Variants in LRP12 observed in about 807,000 individuals in gnomAD.
LRP12 encodes the protein LDL receptor related protein 12.
LRP12 carries 14 observed loss-of-function variants against 66.0 expected under a neutral mutation model. The ratio of observed to expected loss-of-function variants is 0.21; its 90% CI spans 0.14 to 0.33. The LOEUF (loss-of-function observed/expected upper bound fraction) is 0.33. Ranked by LOEUF, LRP12 falls within the 10% of genes least tolerant of loss-of-function variation. LRP12 has a pLI of 1.00. For missense variants in LRP12, 889 were observed against 1,053.4 expected (o/e 0.84, Z 2.16); for synonymous variants, 357 against 359.1 (o/e 0.99, Z 0.07).
chr8:104,579,743 T>G (rs566263578), intron 1 of LRP12, among the ~76,000 whole-genome samples: 1 of 152,120 alleles, frequency 6.6e-6, no homozygotes, highest in African/African-American at 2.4e-5. Context: ...CATAGACCAA[T>G]GGAACACAAT....
chr8:104,584,891 T>C (rs938979197), intron 1 of LRP12, among the ~76,000 whole-genome samples: 1 of 152,246 alleles, frequency 6.6e-6, no homozygotes, highest in African/African-American at 2.4e-5. Context: ...AAAATTGGAA[T>C]TTCTTGTCTA....
chr8:104,510,736 G>A (rs999034285), intron 2 of LRP12, among the ~76,000 whole-genome samples: 1 of 152,018 alleles, frequency 6.6e-6, no homozygotes, highest in Non-Finnish European at 1.5e-5. Context: ...CAGAAGTGAC[G>A]AGTAAATTTT....
chr8:104,498,369 T>TCCCCCCCCCCCCCCCCCCCCCCCCCCC (rs1169397931), intron 4 of LRP12, among the ~76,000 whole-genome samples: 1 of 149,902 alleles, frequency 6.7e-6, no homozygotes, highest in Admixed American at 6.7e-5. Context: ...CCTAATGCTC[T>TCCCCCCCCCCCCCCCCCCCCCCCCCCC]CCCTCCCACC....
At chr8:104,562,750 T>A (rs1811933640) in intron 1 of LRP12, among the ~76,000 whole-genome samples, 1 of 152,172 alleles carries the variant, frequency 6.6e-6, no homozygotes, top group African/African-American at 2.4e-5. Flanking sequence ...GGGAGAAAAT[T>A]AACATTTAAT....
intron 1 of LRP12, among the ~76,000 whole-genome samples, chr8:104,578,600 G>A (rs1007817399): frequency 6.6e-6 from 1 of 151,816 alleles, no homozygotes; most frequent in Non-Finnish European, 1.5e-5. Flanking sequence ...AAACAAACAA[G>A]CAAAAACAAA....
chr8:104,555,111 G>C (rs980222477), intron 1 of LRP12, among the ~76,000 whole-genome samples: 4 of 152,112 alleles, frequency 2.6e-5, no homozygotes, highest in Non-Finnish European at 5.9e-5. Flanking sequence ...TACAAGAACT[G>C]TTAAAAGGAG....
chr8:104,523,004 A>G (rs1321314869), intron 2 of LRP12, among the ~76,000 whole-genome samples: 1 of 152,172 alleles, frequency 6.6e-6, no homozygotes, highest in Non-Finnish European at 1.5e-5. Context: ...AATCTGTCAA[A>G]AAGTTTCTAG....
chr8:104,532,343 A>G (rs1811336624), intron 1 of LRP12, among the ~76,000 whole-genome samples: 3 of 151,764 alleles, frequency 2.0e-5, no homozygotes, highest in Non-Finnish European at 1.5e-5. Context: ...AGTCGGTGTA[A>G]TATCTGTCAG....
chr8:104,557,506 T>C (rs1013410926), intron 1 of LRP12, among the ~76,000 whole-genome samples: 4 of 148,748 alleles, frequency 2.7e-5, no homozygotes, highest in African/African-American at 1.0e-4. Flanking sequence ...GATAATTAAA[T>C]CAAGGACCCA....
intron 1 of LRP12, 115 bp from the exon 2 acceptor site, chr8:104,532,078 TAA>T: frequency 5.1e-6 from 3 of 588,546 alleles, no homozygotes; most frequent in Non-Finnish European, 9.0e-6. Flanking sequence ...ACAGAGAAGC[TAA>T]AGTTTCTTAT....
chr8:104,544,035 A>G (rs1423700336), intron 1 of LRP12, among the ~76,000 whole-genome samples: 1 of 152,214 alleles, frequency 6.6e-6, no homozygotes, highest in Non-Finnish European at 1.5e-5. Flanking sequence ...ATGCAAAAGA[A>G]AAAGTTTCTA....
chr8:104,525,752 T>C (rs1483384166), intron 2 of LRP12, among the ~76,000 whole-genome samples: 1 of 152,106 alleles, frequency 6.6e-6, no homozygotes, highest in African/African-American at 2.4e-5. Flanking sequence ...ACTGGAAGCA[T>C]TCCCTTTGAA....
intron 1 of LRP12, among the ~76,000 whole-genome samples, chr8:104,554,432 A>G (rs1811774554): frequency 6.6e-6 from 1 of 152,194 alleles, no homozygotes; most frequent in Admixed American, 6.5e-5. Flanking sequence ...ATAAATAAAA[A>G]ACAATCACAA....
intron 2 of LRP12, among the ~76,000 whole-genome samples, chr8:104,526,827 C>T (rs1279304630): frequency 1.1e-4 from 16 of 144,312 alleles, no homozygotes; most frequent in Non-Finnish European, 1.5e-5. Context: ...CCAAAATTGA[C>T]AAATGGGATC....
chr8:104,564,551 G>A (rs1249358551), intron 1 of LRP12, among the ~76,000 whole-genome samples: 1 of 151,950 alleles, frequency 6.6e-6, no homozygotes. Flanking sequence ...GGACAGGGCA[G>A]GGAGGGAGTA....
Position 104,517,565 on chromosome 8 carries a change from A to G in LRP12, c.137-8491T>C, listed in dbSNP as rs571342223. ...AAGAGATCACCTAAAAAGCAATTAT[A>G]AAAACTCATCTTTTTGTACAATTTT... is the stretch of plus-strand genomic sequence containing the variant. On this transcript the variant is annotated intron_variant, in intron 2 of 6. Transcript: ENST00000276654. Among the ~76,000 whole-genome samples, 11 of 152,070 alleles carry G rather than the reference A, an allele frequency of 7.2e-5. 1 individual carries two copies. Among genetic ancestry groups the G allele is most frequent in the Non-Finnish European group, 1.5e-4 (10 of 67,974 alleles).
chr8:104,559,744 A>C (rs1355389020), intron 1 of LRP12, among the ~76,000 whole-genome samples: 1 of 152,168 alleles, frequency 6.6e-6, no homozygotes, highest in Non-Finnish European at 1.5e-5. Flanking sequence ...TTTTCTTCAC[A>C]TAAGTTCTGC....
At chr8:104,542,021 G>A (rs1811484557) in intron 1 of LRP12, among the ~76,000 whole-genome samples, 2 of 152,124 alleles carry the variant, frequency 1.3e-5, no homozygotes. Flanking sequence ...TAGAGAGAGT[G>A]GAACTGGTGG....
intron 1 of LRP12, chr8:104,566,449 G>C (rs1039910578): frequency 5.6e-5 from 12 of 214,288 alleles, no homozygotes; most frequent in African/African-American, 2.6e-4. Flanking sequence ...AATGCCTTTG[G>C]TGGGTTGATA....
Sources: gnomAD v4.1 joint callset for allele counts (sites outside exome capture counted in the v4.1 genomes callset) on GRCh38, gnomAD v4.1.1 for gene constraint, MANE v1.5 for transcripts, NCBI Gene and HGNC (gene_info 2026-07-23, HGNC 2026-07-21) for gene names.